The following SPATA13 variants were observed in gnomAD, a reference collection of about 807,000 sequenced individuals.
The protein encoded by SPATA13 is spermatogenesis associated 13.
A neutral mutation model predicts 104.0 loss-of-function variants in SPATA13; 50 were observed. That is an observed-to-expected ratio of 0.48 (90% CI 0.38 to 0.61). The LOEUF is 0.61. Ranked by LOEUF, SPATA13 falls within the 20% of genes least tolerant of loss-of-function variation. The pLI, the probability that SPATA13 is intolerant of heterozygous loss-of-function variation, is 0.00. For missense variants in SPATA13, 1,524 were observed against 1,690.6 expected, an observed-to-expected ratio of 0.90 and a Z score of 1.73; for synonymous variants, 606 against 667.5, an observed-to-expected ratio of 0.91 and a Z score of 1.42.
chr13:24,009,579 A>C, intron 2 of SPATA13, among the ~76,000 whole-genome samples: 1 of 152,220 alleles, frequency 6.6e-6, no homozygotes, highest in East Asian at 1.9e-4. Flanking sequence ...GTTCCAGGTC[A>C]TAGGTAGATT....
chr13:24,260,759 C>T (rs897553819), intron 4 of SPATA13, among the ~76,000 whole-genome samples: 2 of 152,094 alleles, frequency 1.3e-5, no homozygotes, highest in African/African-American at 4.8e-5. Context: ...TATTGCTCAA[C>T]GTTAAAGAAG....
intron 2 of SPATA13, among the ~76,000 whole-genome samples, chr13:24,236,727 TAAAAAAAATAAC>T (rs1872594716): frequency 6.6e-6 from 1 of 151,654 alleles, no homozygotes; most frequent in Admixed American, 6.6e-5. Flanking sequence ...ATGGCTACTA[TAAAAAAAATAAC>T]AAGTGTTCAC....
chr13:24,279,457 G>C (rs1490479967), intron 4 of SPATA13, among the ~76,000 whole-genome samples: 1 of 152,258 alleles, frequency 6.6e-6, no homozygotes, highest in African/African-American at 2.4e-5. Flanking sequence ...ATGGCCTGCC[G>C]GGGGCAGGGG....
Position 24,223,540 on chromosome 13 carries a change from G to A in SPATA13, c.611G>A (p.Arg204His), listed in dbSNP as rs760982297. Reference protein sequence around the residue: ...QRSTHRSRSLRRAYGLGRICL... With the variant: ...QRSTHRSRSLHRAYGLGRICL... ...AGCACACACCGCTCCCGCAGCCTCC[G>A]CAGAGCCTACGGCCTGGGCCGCATC... Residue 204 changes from arginine (R) to histidine (H), a missense_variant, in exon 2 of 13, where the codon CGC becomes CAC. Coordinates refer to ENST00000382108, the MANE Select transcript of SPATA13 (RefSeq NM_001166271.3). The A allele has an allele frequency of 4.5e-6, 7 of 1,549,054 alleles. No individual in the cohort carries two copies. The highest frequency in any genetic ancestry group is 4.9e-5 in the East Asian group (2 of 40,914).
chr13:24,122,918 CTCT>C, intron 3 of SPATA13: 1 of 778,092 alleles, frequency 1.3e-6, no homozygotes, highest in Non-Finnish European at 2.4e-6. Context: ...GTTGGGTTAT[CTCT>C]TAATGATCTT....
chr13:24,041,050 C>T (rs1290399838), intron 3 of SPATA13, among the ~76,000 whole-genome samples: 1 of 152,158 alleles, frequency 6.6e-6, no homozygotes, highest in African/African-American at 2.4e-5. Flanking sequence ...TACTGTGAAA[C>T]AACAAATACA....
intron 1 of SPATA13, among the ~76,000 whole-genome samples, chr13:23,981,246 T>G (rs967271068): frequency 2.0e-5 from 3 of 151,542 alleles, no homozygotes; most frequent in Non-Finnish European, 4.4e-5. Flanking sequence ...TGTCAAAGAT[T>G]ACTTGTTTTA....
At chr13:24,059,173 G>A (rs1194637881) in intron 3 of SPATA13, among the ~76,000 whole-genome samples, 2 of 151,386 alleles carry the variant, frequency 1.3e-5, no homozygotes, top group African/African-American at 4.8e-5. Context: ...GGGTTTCACC[G>A]TGTTAGCCAG....
At chr13:24,005,718 A>G (rs547350429) in intron 2 of SPATA13, among the ~76,000 whole-genome samples, 1 of 152,328 alleles carries the variant, frequency 6.6e-6, no homozygotes, top group East Asian at 1.9e-4. Context: ...CACGAGCTGT[A>G]GAGGGGCATT....
intron 1 of SPATA13, among the ~76,000 whole-genome samples, chr13:24,199,127 G>A (rs544870226): frequency 7.2e-5 from 11 of 151,904 alleles, no homozygotes; most frequent in African/African-American, 1.2e-4. Flanking sequence ...GAGCTCAAGC[G>A]ATCCGCCCGT....
intron 3 of SPATA13, among the ~76,000 whole-genome samples, chr13:24,066,136 A>T (rs185115071): frequency 6.6e-6 from 1 of 152,332 alleles, no homozygotes; most frequent in African/African-American, 2.4e-5. Flanking sequence ...TTTAGGTTAC[A>T]CGTGGACCAA....
chr13:24,085,126 T>C (rs1399589716), intron 3 of SPATA13, among the ~76,000 whole-genome samples: 1 of 152,126 alleles, frequency 6.6e-6, no homozygotes, highest in Admixed American at 6.5e-5. Flanking sequence ...TCTGTGCTTT[T>C]TCCCTTGTTT....
chr13:24,236,479 C>G (rs1872573866), intron 2 of SPATA13, among the ~76,000 whole-genome samples: 1 of 151,752 alleles, frequency 6.6e-6, no homozygotes, highest in African/African-American at 2.4e-5. Context: ...CCTGTAGTCC[C>G]AGCTACTCGG....
At chr13:24,264,934 G>A (rs1874225055) in intron 4 of SPATA13, among the ~76,000 whole-genome samples, 5 of 152,204 alleles carry the variant, frequency 3.3e-5, no homozygotes, top group Admixed American at 2.6e-4. Flanking sequence ...TGGAGAGGGT[G>A]GGATATTGAG....
intron 2 of SPATA13, among the ~76,000 whole-genome samples, chr13:24,001,367 G>GA (rs1875959913): frequency 6.6e-6 from 1 of 152,108 alleles, no homozygotes; most frequent in South Asian, 2.1e-4. Context: ...GAGGTTGGGG[G>GA]AGTGTCTGGG....
intron 4 of SPATA13, among the ~76,000 whole-genome samples, chr13:24,256,849 G>C (rs1434810660): frequency 6.6e-6 from 1 of 152,268 alleles, no homozygotes; most frequent in African/African-American, 2.4e-5. Flanking sequence ...TCGGAGGGAA[G>C]AGTGACAACC....
At position 24,160,913 on chromosome 13, in the gene SPATA13, G is replaced by A. The variant is rs888945470; in HGVS notation, c.-131G>A. 5.7e-5 allele frequency: 56 copies of A among 985,674 alleles called. No homozygotes were observed. The highest frequency in any genetic ancestry group is 6.6e-5 in the Non-Finnish European group (55 of 830,146). 61.1% of individuals were successfully genotyped at this position (985,674 alleles called of 1,614,324 possible). On this transcript the variant is annotated 5_prime_UTR_variant, in exon 1 of 13. Coordinates refer to ENST00000382108, the MANE Select transcript of SPATA13 (RefSeq NM_001166271.3). ...TGGACACGCTGACTTTGTAGGCTCC[G>A]CCAAGAGGCGCCGCAGGAGGTAAGA... is the stretch of plus-strand genomic sequence containing the variant.
Position 24,088,851 on chromosome 13 carries a change from C to T in SPATA13, c.-112+71150C>T, listed in dbSNP as rs895007310. On this transcript the variant is annotated intron_variant, in intron 3 of 14. Coordinates refer to the SPATA13 transcript ENST00000424834. This position sits in a 1 kb window ranked among gnomAD's most constrained non-coding sequence, Gnocchi z 4.3. ...CGTCAGTGCTGGCTGAGGAGTGTCC[C>T]CAAGGCTGGCTCCAGGAAAGCGCAA... 6.6e-6 allele frequency among the ~76,000 whole-genome samples: 1 copy of T among 152,154 alleles called. No homozygotes were observed. The highest frequency in any genetic ancestry group is 6.5e-5 in the Admixed American group (1 of 15,280).
At chr13:24,230,286 G>C (rs1325772495) in intron 2 of SPATA13, among the ~76,000 whole-genome samples, 1 of 152,230 alleles carries the variant, frequency 6.6e-6, no homozygotes, top group Non-Finnish European at 1.5e-5. Context: ...TACTCTCATG[G>C]GTTCAGAGCC....
Sources: gnomAD v4.1 joint callset for allele counts (sites outside exome capture counted in the v4.1 genomes callset) on GRCh38, gnomAD v4.1.1 for gene constraint, Gnocchi (gnomAD v3.1) non-coding constraint, MANE v1.5 for transcripts, NCBI Gene and HGNC (gene_info 2026-07-23, HGNC 2026-07-21) for gene names.